SLC25A48: variants seen among roughly 807,000 people sequenced by gnomAD.
SLC25A48 encodes the protein CTC-321K16.1.
Under a neutral mutation model 32.2 loss-of-function variants are expected in SLC25A48, and 29 were observed. That is an observed-to-expected ratio of 0.90 (90% CI 0.67 to 1.23). SLC25A48 has a LOEUF of 1.23. Among genes scored for constraint, SLC25A48 ranks in the 50% most tolerant of loss-of-function variants. The pLI is 0.00. For missense variants in SLC25A48, 399 were observed against 422.7 expected, an observed-to-expected ratio of 0.94 and a Z score of 0.49; for synonymous variants, 164 against 172.3, an observed-to-expected ratio of 0.95 and a Z score of 0.38.
At chr5:135,879,607 AGAGAGTGTGTGT>A (rs1762306716) in intron 6 of SLC25A48, among the ~76,000 whole-genome samples, 4 of 139,226 alleles carry the variant, frequency 2.9e-5, no homozygotes, top group African/African-American at 1.3e-4. Context: ...AGAGAGAGAG[AGAGAGTGTGTGT>A]GTGTGTGTGT....
intron 7 of SLC25A48, among the ~76,000 whole-genome samples, chr5:135,885,205 G>C (rs1411441918): frequency 6.6e-6 from 1 of 152,018 alleles, no homozygotes; most frequent in African/African-American, 2.4e-5. Context: ...TGCCCTTCTG[G>C]ACCCACCTCC....
chr5:135,581,350 T>G (rs1287486051), intron 1 of SLC25A48, among the ~76,000 whole-genome samples: 1 of 152,210 alleles, frequency 6.6e-6, no homozygotes, highest in Non-Finnish European at 1.5e-5. Flanking sequence ...GGGGTAGGTT[T>G]TAATACATTG....
chr5:135,587,434 G>A (rs1751394129), intron 1 of SLC25A48, among the ~76,000 whole-genome samples: 1 of 152,230 alleles, frequency 6.6e-6, no homozygotes, highest in South Asian at 2.1e-4. Context: ...CTCGTTTGCT[G>A]TCAAGAGGGA....
intron 3 of SLC25A48, among the ~76,000 whole-genome samples, chr5:135,810,008 T>TA (rs747347650): frequency 6.6e-6 from 1 of 152,188 alleles, no homozygotes; most frequent in African/African-American, 2.4e-5. Flanking sequence ...CAGCTCGTTT[T>TA]AAAATTTTGT....
chr5:135,812,739 G>A (rs1757619424), exon 4 of SLC25A48: 1 of 152,288 alleles, frequency 6.6e-6, no homozygotes, highest in African/African-American at 2.4e-5. Context: ...AAACCAAGAT[G>A]TGTGCTCCCC....
chr5:135,844,652 G>A (rs1370290715), intron 2 of SLC25A48, among the ~76,000 whole-genome samples: 2 of 152,194 alleles, frequency 1.3e-5, no homozygotes, highest in Non-Finnish European at 2.9e-5. Context: ...TTCAAAATCG[G>A]TAGCTGCTAT....
rs772042677 is a variant in SLC25A48, at chr5:135,871,411, GTC to G, written c.422-46_422-45del. On this transcript the variant is annotated intron_variant, in intron 4 of 7. Coordinates refer to ENST00000681962, the MANE Select transcript of SLC25A48 (RefSeq NM_001349336.2). ...TGGCTCCAGTGTCACGGAATGTCCA[GTC>G]TCTTACACCCTGGGTCACTTGCCAC... The G allele has an allele frequency of 5.8e-5, 90 of 1,540,764 alleles. 1 individual carries two copies. In the African/African-American group the frequency reaches 1.2e-3, roughly 21 times the overall value.
Position 135,751,205 on chromosome 5 carries a change from C to G in SLC25A48, c.-520-61318C>G, listed in dbSNP as rs190825005. On this transcript the variant is annotated intron_variant, in intron 3 of 10. Coordinates refer to the SLC25A48 transcript ENST00000646290. ...ATAGACAACTGACACTCCGTGCCTT[C>G]CAGCATCCCTCCTGCCTCAGCTCAG... Among the ~76,000 whole-genome samples, 22 of 152,322 alleles carry G rather than the reference C, an allele frequency of 1.4e-4. No individual in the cohort carries two copies. In the East Asian group the frequency reaches 4.2e-3, roughly 29 times the overall value.
At position 135,784,255 on chromosome 5, in the gene SLC25A48, G is replaced by A. The variant is rs780467944; in HGVS notation, c.-520-28268G>A. Among the ~76,000 whole-genome samples, 7 of 69,846 alleles carry A rather than the reference G, an allele frequency of 1.0e-4. 1 individual carries two copies. The highest frequency in any genetic ancestry group is 1.8e-4 in the Non-Finnish European group (4 of 22,660). 45.8% of individuals were successfully genotyped at this position (69,846 alleles called of 152,430 possible). A position where few individuals can be genotyped will look rare whatever the true frequency, so the allele number is the denominator to read the frequency against. ...AGAGGATGATATTACTCCCAATAGC[G>A]CAGAGAGTGTACACCCCACCTGTGA... On this transcript the variant is annotated intron_variant, in intron 3 of 10. Transcript: ENST00000646290.
At position 135,852,830 on chromosome 5, in the gene SLC25A48, C is replaced by A; in HGVS notation, c.421+9C>A. Reference sequence around the variant, plus strand: ...ACAACCGTTTCGGGACGGTAAGAGGCCAGGGGAGCGGAGGCTGGTGTCTGG... The same window carrying A: ...ACAACCGTTTCGGGACGGTAAGAGGACAGGGGAGCGGAGGCTGGTGTCTGG... On this transcript the variant is annotated intron_variant, in intron 4 of 7. Transcript: ENST00000681962. The A allele has an allele frequency of 6.3e-7, 1 of 1,596,252 alleles. No individual in the cohort carries two copies. Among genetic ancestry groups the A allele is most frequent in the Non-Finnish European group, 8.6e-7 (1 of 1,165,616 alleles).
intron 3 of SLC25A48, among the ~76,000 whole-genome samples, chr5:135,767,315 G>A (rs114359659): frequency 0.016 from 2,455 of 151,880 alleles, 47 homozygotes; most frequent in African/African-American, 0.044. Context: ...TTTCCATATC[G>A]TGGAAGGCGT....
chr5:135,754,455 C>A (rs1353141150), intron 3 of SLC25A48, among the ~76,000 whole-genome samples: 2 of 151,810 alleles, frequency 1.3e-5, no homozygotes, highest in Admixed American at 6.6e-5. Context: ...TGAAATATCA[C>A]TCTGATGTTT....
intron 3 of SLC25A48, among the ~76,000 whole-genome samples, chr5:135,734,599 G>A (rs1236486042): frequency 6.6e-6 from 1 of 151,826 alleles, no homozygotes; most frequent in African/African-American, 2.4e-5. Flanking sequence ...AGGCTGAGGC[G>A]GGTGGATCAC....
chr5:135,750,592 T>C (rs527987362), intron 3 of SLC25A48, among the ~76,000 whole-genome samples: 267 of 152,282 alleles, frequency 1.8e-3, no homozygotes, highest in African/African-American at 6.1e-3. Context: ...CACCTCTTGA[T>C]GAGTGGGGTG....
intron 3 of SLC25A48, among the ~76,000 whole-genome samples, chr5:135,665,812 T>G (rs945861226): frequency 5.9e-5 from 9 of 152,202 alleles, no homozygotes; most frequent in Non-Finnish European, 1.0e-4. Context: ...CCAAGATTTC[T>G]GAGCTTCCGT....
intron 3 of SLC25A48, among the ~76,000 whole-genome samples, chr5:135,755,679 T>G (rs542618959): frequency 6.6e-6 from 1 of 152,046 alleles, no homozygotes; most frequent in African/African-American, 2.4e-5. Flanking sequence ...TAGTATTAAT[T>G]AAATATTGCT....
At chr5:135,802,376 T>G (rs1240840226) in intron 3 of SLC25A48, among the ~76,000 whole-genome samples, 4 of 151,606 alleles carry the variant, frequency 2.6e-5, no homozygotes, top group African/African-American at 9.7e-5. Flanking sequence ...AAAATATTAC[T>G]CCTATTAACA....
upstream of SLC25A48, among the ~76,000 whole-genome samples, chr5:135,829,781 C>A (rs2126669305): frequency 6.6e-6 from 1 of 152,038 alleles, no homozygotes; most frequent in East Asian, 1.9e-4. Flanking sequence ...ATAGCATGGA[C>A]CCTGGAGTCA....
At chr5:135,590,976 C>T (rs7709044) in intron 1 of SLC25A48, among the ~76,000 whole-genome samples, 12,207 of 152,320 alleles carry the variant, frequency 0.08, 499 homozygotes, top group South Asian at 0.15. Context: ...GAACTCTCAA[C>T]CCTCCTGACT....
Sources: allele counts gnomAD v4.1 joint callset (sites outside exome capture counted in the v4.1 genomes callset), GRCh38; gene constraint gnomAD v4.1.1; transcripts MANE v1.5; gene names NCBI Gene and HGNC (gene_info 2026-07-23, HGNC 2026-07-21).